The following FRMPD4 variants were observed in gnomAD, a reference collection of about 807,000 sequenced individuals.
The protein encoded by FRMPD4 is FERM and PDZ domain containing 4.
Under a neutral mutation model 94.1 loss-of-function variants are expected in FRMPD4, and 22 were observed. That is an observed-to-expected ratio of 0.23 (90% confidence interval 0.17 to 0.33). The LOEUF (loss-of-function observed/expected upper bound fraction) is 0.33, where lower values mean the gene tolerates loss of function less well. FRMPD4 is among the 10% of genes least tolerant of loss of function. The probability of loss-of-function intolerance (pLI) is 1.00; values close to 1 mark genes in which losing one functional copy is unlikely to be tolerated. For synonymous variants in FRMPD4, 631 were observed against 548.6 expected, an observed-to-expected ratio of 1.15 and a Z score of -2.10; for missense variants, 1,111 against 1,339.9, an observed-to-expected ratio of 0.83 and a Z score of 2.67.
At chrX:12,259,002 T>C (rs917787312) in intron 1 of FRMPD4, among the ~76,000 whole-genome samples, 1 of 112,324 alleles carries the variant, frequency 8.9e-6, no homozygotes, top group African/African-American at 3.2e-5. Flanking sequence ...TTCCACTCTC[T>C]ACTTCCATTA....
At chrX:12,353,812 T>C (rs2055850706) in intron 1 of FRMPD4, among the ~76,000 whole-genome samples, 1 of 112,097 alleles carries the variant, frequency 8.9e-6, no homozygotes, top group African/African-American at 3.2e-5. Flanking sequence ...AACATTACAA[T>C]TAGTTGTGAA....
chrX:12,680,145 C>T (rs1302801283), intron 5 of FRMPD4, among the ~76,000 whole-genome samples: 3 of 112,149 alleles, frequency 2.7e-5, no homozygotes, highest in Non-Finnish European at 5.6e-5. Context: ...TAAGAGCATT[C>T]AAAAGCATCA....
intron 1 of FRMPD4, among the ~76,000 whole-genome samples, chrX:12,463,698 G>GTT (rs1357648486): frequency 1.2e-5 from 1 of 81,449 alleles, no homozygotes; most frequent in African/African-American, 4.7e-5. Context: ...TTTTGTTTTT[G>GTT]TTTTTTTTTT....
At chrX:12,308,619 G>A (rs745477270) in intron 1 of FRMPD4, among the ~76,000 whole-genome samples, 3 of 111,289 alleles carry the variant, frequency 2.7e-5, no homozygotes, top group South Asian at 3.8e-4. Flanking sequence ...CTGATGAAGC[G>A]TGCCACAACA....
At chrX:12,529,086 C>T (rs1353391711) in intron 2 of FRMPD4, among the ~76,000 whole-genome samples, 1 of 112,589 alleles carries the variant, frequency 8.9e-6, no homozygotes, top group Non-Finnish European at 1.9e-5. Context: ...ACCCCAGGGT[C>T]TCTCACAAGG....
chrX:12,048,825 A>G (rs2054800402), intron 3 of FRMPD4, among the ~76,000 whole-genome samples: 1 of 110,961 alleles, frequency 9.0e-6, no homozygotes, highest in African/African-American at 3.3e-5. Flanking sequence ...TGGATTCTCT[A>G]TTTTGTTCCA....
chrX:12,134,553 C>A (rs897085924), upstream of FRMPD4, among the ~76,000 whole-genome samples: 2 of 112,105 alleles, frequency 1.8e-5, no homozygotes, highest in African/African-American at 6.5e-5. Context: ...CGAAAGAACC[C>A]TCAGCTGCCA....
At chrX:12,229,844 C>T (rs2057124120) in intron 1 of FRMPD4, among the ~76,000 whole-genome samples, 1 of 112,156 alleles carries the variant, frequency 8.9e-6, no homozygotes, top group African/African-American at 3.2e-5. Flanking sequence ...TTGTTTAATC[C>T]TCAGCATCTG....
At chrX:12,411,670 T>C (rs779647670) in intron 1 of FRMPD4, among the ~76,000 whole-genome samples, 1 of 112,047 alleles carries the variant, frequency 8.9e-6, no homozygotes, top group Admixed American at 9.5e-5. Context: ...AAAAGACGAA[T>C]GCAGAGGTAG....
At chrX:12,679,441 G>A (rs781292376) in intron 5 of FRMPD4, among the ~76,000 whole-genome samples, 1 of 111,897 alleles carries the variant, frequency 8.9e-6, no homozygotes, top group South Asian at 3.8e-4. Context: ...GTGGGCAAAT[G>A]CCTTTATCGG....
chrX:11,942,939 T>C (rs1459243031), intron 3 of FRMPD4, among the ~76,000 whole-genome samples: 2 of 112,210 alleles, frequency 1.8e-5, no homozygotes, highest in Non-Finnish European at 3.8e-5. Flanking sequence ...CTTTTGTATC[T>C]GCCTATCCTG....
At chrX:12,531,733 T>C (rs1375610698) in intron 2 of FRMPD4, among the ~76,000 whole-genome samples, 1 of 111,177 alleles carries the variant, frequency 9.0e-6, no homozygotes, top group Non-Finnish European at 1.9e-5. Context: ...CCCCTGCTCA[T>C]AATCTCCCTG....
In FRMPD4 at chrX:12,470,257, C is replaced by T. The variant is rs753024717; in HGVS notation, c.42-28423C>T. On this transcript the variant is annotated intron_variant, in intron 1 of 16. Coordinates refer to ENST00000675598, the MANE Select transcript of FRMPD4 (RefSeq NM_001368397.1). ...GTCAGCCTGTCTTTCTGTTCAAACA[C>T]AATTGGAAATTGTCGTTAACATCTC... Among the ~76,000 whole-genome samples the T allele has an allele frequency of 8.9e-5, 10 of 112,203 alleles. No homozygotes were observed. In the East Asian group the frequency reaches 2.8e-3, roughly 31 times the overall value.
chrX:12,240,138 T>C (rs2057112753), intron 1 of FRMPD4, among the ~76,000 whole-genome samples: 1 of 112,857 alleles, frequency 8.9e-6, no homozygotes, highest in Non-Finnish European at 1.9e-5. Flanking sequence ...TGCTCATTTG[T>C]GTACTTATTG....
chrX:11,954,413 G>A (rs2147367937), intron 3 of FRMPD4, among the ~76,000 whole-genome samples: 1 of 112,171 alleles, frequency 8.9e-6, no homozygotes, highest in South Asian at 3.7e-4. Flanking sequence ...GAAGTGCTGA[G>A]GAGTCATGAA....
At chrX:12,358,494 A>G (rs979355829) in intron 1 of FRMPD4, among the ~76,000 whole-genome samples, 2 of 111,457 alleles carry the variant, frequency 1.8e-5, no homozygotes, top group Non-Finnish European at 3.8e-5. Flanking sequence ...AAACTGCAGG[A>G]TTGCACAGTA....
At chrX:12,109,447 A>C (rs2055333886) in intron 3 of FRMPD4, among the ~76,000 whole-genome samples, 2 of 112,232 alleles carry the variant, frequency 1.8e-5, no homozygotes, top group Non-Finnish European at 3.8e-5. Context: ...AATTTATAGC[A>C]CTAAATGCCC....
chrX:12,405,059 C>A (rs370758944), intron 1 of FRMPD4, among the ~76,000 whole-genome samples: 1 of 111,384 alleles, frequency 9.0e-6, no homozygotes, highest in Non-Finnish European at 1.9e-5. Context: ...ATGCTCAGGC[C>A]CCACCCTAAA....
intron 9 of FRMPD4, among the ~76,000 whole-genome samples, chrX:12,701,653 C>A (rs1367305788): frequency 1.8e-5 from 2 of 112,349 alleles, no homozygotes; most frequent in South Asian, 7.4e-4. Flanking sequence ...AATAGCAGCT[C>A]GTCGATGAAT....
Sources: allele counts gnomAD v4.1 joint callset (sites outside exome capture counted in the v4.1 genomes callset), GRCh38; gene constraint gnomAD v4.1.1; transcripts MANE v1.5; gene names NCBI Gene and HGNC (gene_info 2026-07-23, HGNC 2026-07-21).